RAB3C: variants seen among roughly 807,000 people sequenced by gnomAD.
RAB3C encodes the protein RAB3C, member RAS oncogene family.
Under a neutral mutation model 26.4 loss-of-function variants are expected in RAB3C, and 17 were observed. The ratio of observed to expected loss-of-function variants is 0.64; its 90% CI spans 0.44 to 0.97. The LOEUF (loss-of-function observed/expected upper bound fraction) is 0.97, where lower values mean the gene tolerates loss of function less well. Ranked by LOEUF, RAB3C falls within the 50% of genes least tolerant of loss-of-function variation. The pLI is 0.00. For synonymous variants in RAB3C, 91 were observed against 95.9 expected, an observed-to-expected ratio of 0.95 and a Z score of 0.30; for missense variants, 242 against 281.9, an observed-to-expected ratio of 0.86 and a Z score of 1.01.
intron 3 of RAB3C, among the ~76,000 whole-genome samples, chr5:58,811,359 G>A (rs1373169700): frequency 6.6e-6 from 1 of 152,064 alleles, no homozygotes; most frequent in Non-Finnish European, 1.5e-5. Flanking sequence ...GTGTGTATGT[G>A]TGTGTATGTG....
At chr5:58,733,261 A>G (rs1225098212) in intron 3 of RAB3C, among the ~76,000 whole-genome samples, 3 of 152,184 alleles carry the variant, frequency 2.0e-5, no homozygotes, top group African/African-American at 4.8e-5. Context: ...GACCATATTC[A>G]TGGAATGAGT....
chr5:58,666,754 T>C (rs895274946), intron 2 of RAB3C, among the ~76,000 whole-genome samples: 5 of 152,190 alleles, frequency 3.3e-5, no homozygotes, highest in African/African-American at 1.2e-4. Context: ...AGGAAGAAAC[T>C]GCGACTTCTC....
At chr5:58,661,353 A>G (rs911501020) in intron 2 of RAB3C, among the ~76,000 whole-genome samples, 3 of 150,030 alleles carry the variant, frequency 2.0e-5, no homozygotes, top group African/African-American at 7.6e-5. Flanking sequence ...TCTAATATAC[A>G]TTTCCATGTT....
rs1744112350 is a variant in RAB3C, at chr5:58,851,399, A to G, written c.*48A>G. 11 of 1,460,748 alleles carry G rather than the reference A, an allele frequency of 7.5e-6. No individual in the cohort carries two copies. The East Asian group carries it at 2.5e-4, about 34-fold the overall frequency. The allele number at this position is 1,460,748 out of a possible 1,614,324, so 90.5% of individuals were successfully genotyped here. A position where few individuals can be genotyped will look rare whatever the true frequency, so the allele number is the denominator to read the frequency against. ...TCCAGGGGGCTCTGGTTGCCAACAA[A>G]CAGCATTTGTAAATGGTCTATTAGC... On this transcript the variant is annotated 3_prime_UTR_variant, in exon 5 of 5. Coordinates refer to ENST00000282878, the MANE Select transcript of RAB3C (RefSeq NM_138453.4).
At chr5:58,682,421 A>G in intron 2 of RAB3C, among the ~76,000 whole-genome samples, 1 of 152,044 alleles carries the variant, frequency 6.6e-6, no homozygotes. Flanking sequence ...GTGGTGGCTC[A>G]CACCTGTAAT....
chr5:58,790,372 A>G (rs886460565), intron 3 of RAB3C, among the ~76,000 whole-genome samples: 1 of 152,226 alleles, frequency 6.6e-6, no homozygotes, highest in African/African-American at 2.4e-5. Context: ...TCAAACCCTG[A>G]TTAGTTTTAG....
intron 2 of RAB3C, among the ~76,000 whole-genome samples, chr5:58,723,384 G>A (rs1038590304): frequency 6.6e-6 from 1 of 151,776 alleles, no homozygotes; most frequent in Admixed American, 6.6e-5. Flanking sequence ...CCTGCTCCAA[G>A]AGTAGAATAT....
chr5:58,588,237 G>A (rs1746052098), intron 1 of RAB3C, among the ~76,000 whole-genome samples: 2 of 151,988 alleles, frequency 1.3e-5, no homozygotes, highest in Non-Finnish European at 2.9e-5. Flanking sequence ...TAAAATTGCT[G>A]GAATAAATGG....
chr5:58,691,360 G>GTA (rs1748567745), intron 2 of RAB3C, among the ~76,000 whole-genome samples: 1 of 152,118 alleles, frequency 6.6e-6, no homozygotes, highest in Admixed American at 6.6e-5. Flanking sequence ...TGTTGGAGAC[G>GTA]TATAGATGGG....
At chr5:58,589,600 A>C (rs1249929882) in intron 1 of RAB3C, among the ~76,000 whole-genome samples, 1 of 152,170 alleles carries the variant, frequency 6.6e-6, no homozygotes, top group African/African-American at 2.4e-5. Flanking sequence ...TGATATACTA[A>C]TATCTCTATT....
At chr5:58,736,032 C>T (rs1013976213) in intron 3 of RAB3C, among the ~76,000 whole-genome samples, 1 of 152,198 alleles carries the variant, frequency 6.6e-6, no homozygotes, top group East Asian at 1.9e-4. Context: ...CACCTAGGCT[C>T]TTCAACAATT....
intron 2 of RAB3C, among the ~76,000 whole-genome samples, chr5:58,713,435 C>G (rs1047704296): frequency 6.6e-6 from 1 of 152,178 alleles, no homozygotes; most frequent in Non-Finnish European, 1.5e-5. Flanking sequence ...GAGGCAGATA[C>G]CAGCCTGTGA....
At chr5:58,796,994 C>CACACACAT (rs1302773762) in intron 3 of RAB3C, among the ~76,000 whole-genome samples, 2 of 151,582 alleles carry the variant, frequency 1.3e-5, no homozygotes, top group African/African-American at 4.9e-5. Flanking sequence ...TACACACACA[C>CACACACAT]ACAGACACAC....
intron 2 of RAB3C, among the ~76,000 whole-genome samples, chr5:58,685,541 A>G (rs563589472): frequency 9.9e-5 from 15 of 152,172 alleles, no homozygotes; most frequent in Non-Finnish European, 2.1e-4. Context: ...CCCAAATAAG[A>G]CCACATATTC....
intron 2 of RAB3C, among the ~76,000 whole-genome samples, chr5:58,652,919 T>C (rs1181451618): frequency 6.6e-6 from 1 of 152,162 alleles, no homozygotes; most frequent in Non-Finnish European, 1.5e-5. Flanking sequence ...TAAAAATCTG[T>C]TGGGTTTTTT....
At chr5:58,813,633 TAC>T (rs138105407) in intron 3 of RAB3C, among the ~76,000 whole-genome samples, 473 of 16,854 alleles carry the variant, frequency 0.028, 5 homozygotes, top group Non-Finnish European at 0.053. Flanking sequence ...TATATATATA[TAC>T]ACACACACAC....
rs1196360183 is a variant in RAB3C at position 58,806,538 on chromosome 5, C to T, written c.372-18500C>T. On this transcript the variant is annotated intron_variant, in intron 3 of 4. Transcript: ENST00000282878. The stretch of plus-strand genomic sequence containing the variant: ...TACGTGATTATTTAAGAAAAGAAAA[C>T]CCTTGGTTCTGTTAGAACTGAGTTT... Among the ~76,000 whole-genome samples, 3 of 152,220 alleles carry T rather than the reference C, an allele frequency of 2.0e-5. No individual in the cohort carries two copies. The East Asian group carries it at 5.8e-4, about 29-fold the overall frequency.
At chr5:58,693,687 A>C (rs1446045295) in intron 2 of RAB3C, among the ~76,000 whole-genome samples, 2 of 152,136 alleles carry the variant, frequency 1.3e-5, no homozygotes, top group African/African-American at 2.4e-5. Flanking sequence ...ATTAAACTCT[A>C]AGCCCTTGAG....
intron 3 of RAB3C, among the ~76,000 whole-genome samples, chr5:58,777,080 C>T (rs892772010): frequency 1.3e-5 from 2 of 152,174 alleles, no homozygotes; most frequent in Non-Finnish European, 2.9e-5. Flanking sequence ...AGGATAACCT[C>T]AACTTTAGGT....
Sources: allele counts gnomAD v4.1 joint callset (sites outside exome capture counted in the v4.1 genomes callset), GRCh38; gene constraint gnomAD v4.1.1; transcripts MANE v1.5; gene names NCBI Gene and HGNC (gene_info 2026-07-23, HGNC 2026-07-21).